Variants in TIMM17A observed in about 807,000 individuals in gnomAD.
TIMM17A encodes translocase of inner mitochondrial membrane 17A.
TIMM17A carries 15 observed loss-of-function variants against 26.5 expected under a neutral mutation model. That is an observed-to-expected ratio of 0.57 (90% CI 0.38 to 0.87). The LOEUF (loss-of-function observed/expected upper bound fraction) is 0.87. Among genes scored for constraint, TIMM17A ranks in the 40% least tolerant of loss-of-function variants. TIMM17A has a pLI of 0.00. For synonymous variants in TIMM17A, 80 were observed against 70.8 expected (o/e 1.13, Z -0.66); for missense variants, 201 against 210.0 (o/e 0.96, Z 0.27).
intron 3 of TIMM17A, among the ~76,000 whole-genome samples, chr1:201,959,227 A>G (rs918438408): frequency 6.6e-6 from 1 of 152,090 alleles, no homozygotes; most frequent in Non-Finnish European, 1.5e-5. Flanking sequence ...CCGGTGGTGC[A>G]TGCCTGTAGT....
intron 3 of TIMM17A, among the ~76,000 whole-genome samples, chr1:201,960,380 A>G (rs1292136246): frequency 1.3e-5 from 2 of 151,886 alleles, no homozygotes; most frequent in African/African-American, 4.8e-5. Context: ...AGCCTGGGCA[A>G]CAGAGCAAGA....
At chr1:201,968,400 G>T (rs1459541364) in intron 5 of TIMM17A, among the ~76,000 whole-genome samples, 2 of 141,176 alleles carry the variant, frequency 1.4e-5, no homozygotes, top group East Asian at 2.0e-4. Flanking sequence ...GTTTTTGTTT[G>T]TTTTTTTTTT....
At chr1:201,964,313 A>G (rs571319324) in intron 4 of TIMM17A, among the ~76,000 whole-genome samples, 15 of 152,306 alleles carry the variant, frequency 9.8e-5, no homozygotes, top group African/African-American at 3.6e-4. Flanking sequence ...TTTATGCTAT[A>G]ATTTCTTCAC....
Position 201,969,748 on chromosome 1 carries a change from T to A in TIMM17A, c.*194T>A, listed in dbSNP as rs919100158. 8.9e-6 allele frequency: 4 copies of A among 446,996 alleles called. No individual in the cohort carries two copies. The highest frequency in any genetic ancestry group is 2.0e-5 in the African/African-American group (1 of 49,482). 27.7% of individuals were successfully genotyped at this position (446,996 alleles called of 1,614,324 possible). A position where few individuals can be genotyped will look rare whatever the true frequency, so the allele number is the denominator to read the frequency against. On this transcript the variant is annotated 3_prime_UTR_variant, in exon 6 of 6. Coordinates refer to ENST00000367287, the MANE Select transcript of TIMM17A (RefSeq NM_006335.3). ...TGCTAAAAGATAATACGTTTATTTA[T>A]TCACACTTGAATTGCATTTGTGATC... is the stretch of plus-strand genomic sequence containing the variant.
intron 5 of TIMM17A, among the ~76,000 whole-genome samples, chr1:201,969,072 T>C (rs997570051): frequency 2.6e-5 from 4 of 152,204 alleles, no homozygotes; most frequent in Admixed American, 6.5e-5. Context: ...AGGATACTTA[T>C]ACTTTGTGAA....
At chr1:201,962,284 A>G (rs1281656324) in intron 3 of TIMM17A, 1 of 152,220 alleles carries the variant, frequency 6.6e-6, no homozygotes, top group East Asian at 1.9e-4. Flanking sequence ...TGTGATGTCT[A>G]ATATTGTACT....
chr1:201,965,868 A>G (rs1268236905), intron 5 of TIMM17A, among the ~76,000 whole-genome samples: 1 of 152,232 alleles, frequency 6.6e-6, no homozygotes, highest in Non-Finnish European at 1.5e-5. Context: ...TTGACAATTT[A>G]GTATTGTACA....
chr1:201,955,628 A>C, intron 1 of TIMM17A, 76 bp downstream of exon 1: 1 of 1,600,666 alleles, frequency 6.2e-7, no homozygotes, highest in Non-Finnish European at 8.6e-7. Context: ...CCAGGCTCCC[A>C]AGGTGCAAGC....
In TIMM17A at chr1:201,955,506, A is replaced by T; in HGVS notation, c.-21A>T. 6.2e-7 allele frequency: 1 copy of T among 1,614,162 alleles called. No homozygotes were observed. The highest frequency in any genetic ancestry group is 1.1e-5 in the South Asian group (1 of 91,080). On this transcript the variant is annotated 5_prime_UTR_variant, in exon 1 of 6. Coordinates refer to ENST00000367287, the MANE Select transcript of TIMM17A (RefSeq NM_006335.3). ...GGCTCCGCCCAGCTTGCCCGGCATC[A>T]CTCGCGGCATTGGAGTCAAGATGGA...
intron 3 of TIMM17A, 29 bp downstream of exon 3, chr1:201,957,603 T>A (rs370196684): frequency 1.0e-5 from 16 of 1,560,650 alleles, no homozygotes; most frequent in Admixed American, 1.9e-5. Flanking sequence ...TTAACTGAAC[T>A]ATTTTTTTCT....
At position 201,965,495 on chromosome 1, in the gene TIMM17A, G is replaced by A. The variant is rs775697403; in HGVS notation, c.382G>A (p.Gly128Arg). The A allele has an allele frequency of 1.2e-6, 2 of 1,614,080 alleles. No individual in the cohort carries two copies. Among genetic ancestry groups the A allele is most frequent in the African/African-American group, 2.7e-5 (2 of 74,940 alleles). Residue 128 changes from glycine to arginine, a missense_variant, in exon 5 of 6, where the codon GGA becomes AGA. Gly to Arg is a moderately radical substitution (Grantham distance 125, BLOSUM62 -2). Coordinates refer to ENST00000367287, the MANE Select transcript of TIMM17A (RefSeq NM_006335.3). ...TGGCATTCTCCTAGCTTTAATTGAA[G>A]GAGCTGGTATCTTGTTGACAAGATT... ...MGGILLALIE[G>R]AGILLTRFAS...
chr1:201,967,434 GTTAAC>G (rs775778588), intron 5 of TIMM17A, among the ~76,000 whole-genome samples: 24 of 152,096 alleles, frequency 1.6e-4, no homozygotes, highest in African/African-American at 4.3e-4. Context: ...AATGGATATA[GTTAAC>G]TTAAATAGTT....
Position 201,969,490 on chromosome 1 carries a change from C to T in TIMM17A, c.452C>T (p.Pro151Leu). The T allele has an allele frequency of 6.2e-7, 1 of 1,613,406 alleles. No individual in the cohort carries two copies. The highest frequency in any genetic ancestry group is 2.2e-5 in the East Asian group (1 of 44,814). ...GCAGGTCCTCAGTTTGCAGAAGACC[C>T]CTCCCAGTTGCCTTCAACTCAGTTA... ...FPNGPQFAED[P>L]SQLPSTQLPS... Residue 151 changes from proline to leucine, a missense_variant, in exon 6 of 6, where the codon CCC becomes CTC. Transcript: ENST00000367287.
rs528055349 is a variant in TIMM17A, at chr1:201,962,271, G to A, written c.191-1345G>A. On this transcript the variant is annotated intron_variant, in intron 3 of 5. Transcript: ENST00000367287. ...GAAATAACTGGTTTGTTTTTACATA[G>A]GATGTGATGTCTAATATTGTACTAA... 6 of 152,302 alleles carry A rather than the reference G, an allele frequency of 3.9e-5. 1 individual carries two copies. The South Asian group carries it at 1.2e-3, about 32-fold the overall frequency. The allele number at this position is 152,302 out of a possible 1,614,324, so 9.4% of individuals were successfully genotyped here. A position where few individuals can be genotyped will look rare whatever the true frequency, so the allele number is the denominator to read the frequency against.
chr1:201,957,353 A>T lies in TIMM17A; in HGVS notation c.99A>T (p.Ala33=). ...MGTIGGGIFQ[A]IKGFRNSPVG... Reference sequence around the variant, plus strand: ...CCATTGGTGGTGGTATCTTTCAAGCAATCAAAGGTTTTCGCAATTCTCCAG... The same window carrying T: ...CCATTGGTGGTGGTATCTTTCAAGCTATCAAAGGTTTTCGCAATTCTCCAG... Residue 33 remains alanine (A), a synonymous_variant, in exon 2 of 6, where the codon GCA becomes GCT. Coordinates refer to ENST00000367287, the MANE Select transcript of TIMM17A (RefSeq NM_006335.3). The T allele has an allele frequency of 6.2e-7, 1 of 1,614,004 alleles. No homozygotes were observed. Among genetic ancestry groups the T allele is most frequent in the Non-Finnish European group, 8.5e-7 (1 of 1,179,900 alleles).
intron 3 of TIMM17A, among the ~76,000 whole-genome samples, chr1:201,960,675 A>G (rs1490630089): frequency 6.6e-6 from 1 of 152,102 alleles, no homozygotes; most frequent in Non-Finnish European, 1.5e-5. Flanking sequence ...TTTGGTGAGC[A>G]TTTGCTAAGG....
intron 4 of TIMM17A, among the ~76,000 whole-genome samples, chr1:201,965,133 G>A (rs7528085): frequency 0.22 from 32,823 of 151,822 alleles, 3,657 homozygotes; most frequent in East Asian, 0.25. Context: ...TGTATTTTTA[G>A]TAGAGACGGG....
intron 4 of TIMM17A, among the ~76,000 whole-genome samples, chr1:201,965,046 G>A (rs951619115): frequency 2.0e-5 from 3 of 151,782 alleles, no homozygotes; most frequent in African/African-American, 7.3e-5. Context: ...CTGCTTCCTG[G>A]GTTCAAGCAA....
intron 3 of TIMM17A, among the ~76,000 whole-genome samples, chr1:201,959,858 G>A (rs1003889792): frequency 1.3e-5 from 2 of 151,798 alleles, no homozygotes; most frequent in African/African-American, 4.8e-5. Context: ...AAAATTAGCC[G>A]GGCATGGTGA....
Sources: allele counts gnomAD v4.1 joint callset (sites outside exome capture counted in the v4.1 genomes callset), GRCh38; gene constraint gnomAD v4.1.1; transcripts MANE v1.5; gene names NCBI Gene and HGNC (gene_info 2026-07-23, HGNC 2026-07-21).